Variants in RCAN2 observed in about 807,000 individuals in gnomAD.
The protein encoded by RCAN2 is calcipressin-2.
A neutral mutation model predicts 23.6 loss-of-function variants in RCAN2; 9 were observed. That is an observed-to-expected ratio of 0.38 (90% confidence interval 0.23 to 0.67). The LOEUF (loss-of-function observed/expected upper bound fraction) is 0.67. Among genes scored for constraint, RCAN2 ranks in the 30% least tolerant of loss-of-function variants. The pLI is 0.51. For missense variants in RCAN2, 273 were observed against 302.3 expected (o/e 0.90, Z 0.72); for synonymous variants, 109 against 115.7 (o/e 0.94, Z 0.37).
chr6:46,452,557 A>G (rs1251255095), intron 2 of RCAN2, among the ~76,000 whole-genome samples: 1 of 152,192 alleles, frequency 6.6e-6, no homozygotes, highest in Admixed American at 6.5e-5. Context: ...TAGGTAAATT[A>G]AATTCTTGGC....
intron 2 of RCAN2, among the ~76,000 whole-genome samples, chr6:46,282,033 G>A (rs906764426): frequency 3.3e-5 from 5 of 152,128 alleles, no homozygotes; most frequent in African/African-American, 1.2e-4. Flanking sequence ...GACACTTTCT[G>A]TCTTGTTCAT....
At chr6:46,446,783 A>C (rs1043786191) in intron 2 of RCAN2, among the ~76,000 whole-genome samples, 1 of 152,170 alleles carries the variant, frequency 6.6e-6, no homozygotes, top group Non-Finnish European at 1.5e-5. Flanking sequence ...TTATAACTAT[A>C]AGATATTTTA....
intron 1 of RCAN2, among the ~76,000 whole-genome samples, chr6:46,481,829 C>T (rs781061416): frequency 2.6e-5 from 4 of 151,978 alleles, no homozygotes; most frequent in African/African-American, 4.8e-5. Flanking sequence ...ACAATAGATA[C>T]GAATGACAGA....
chr6:46,396,375 A>C (rs1337993056), intron 2 of RCAN2, among the ~76,000 whole-genome samples: 1 of 152,206 alleles, frequency 6.6e-6, no homozygotes. Context: ...TAGCTGCGAG[A>C]ATACCACACA....
intron 2 of RCAN2, among the ~76,000 whole-genome samples, chr6:46,279,729 C>T (rs1767838593): frequency 1.3e-5 from 2 of 152,206 alleles, no homozygotes; most frequent in Admixed American, 1.3e-4. Flanking sequence ...TGATCTGCCA[C>T]TTACTGTAGG....
intron 1 of RCAN2, among the ~76,000 whole-genome samples, chr6:46,468,275 A>G (rs1270576116): frequency 6.6e-6 from 1 of 152,212 alleles, no homozygotes; most frequent in Admixed American, 6.5e-5. Context: ...AATATGGACC[A>G]CTGTTCTAAA....
intron 2 of RCAN2, among the ~76,000 whole-genome samples, chr6:46,435,869 T>A (rs1462369424): frequency 6.6e-6 from 1 of 152,212 alleles, no homozygotes; most frequent in Non-Finnish European, 1.5e-5. Context: ...AGTGACTGCA[T>A]CTAGTCTTTG....
intron 2 of RCAN2, among the ~76,000 whole-genome samples, chr6:46,262,152 A>AT (rs941265215): frequency 1.7e-4 from 25 of 150,186 alleles, no homozygotes; most frequent in South Asian, 8.4e-4. Context: ...CCCTGAAGCC[A>AT]TTTTTTTTTT....
chr6:46,227,771 T>G (rs1383614952), intron 4 of RCAN2, among the ~76,000 whole-genome samples: 1 of 152,250 alleles, frequency 6.6e-6, no homozygotes, highest in East Asian at 1.9e-4. Context: ...GGTTTTTTTG[T>G]GTCCCTATCT....
intron 2 of RCAN2, among the ~76,000 whole-genome samples, chr6:46,345,496 T>C (rs534231528): frequency 6.6e-6 from 1 of 152,258 alleles, no homozygotes; most frequent in Admixed American, 6.5e-5. Context: ...GTAGACCACA[T>C]GTTGGACTAT....
intron 2 of RCAN2, among the ~76,000 whole-genome samples, chr6:46,420,385 C>T (rs1766848518): frequency 6.6e-6 from 1 of 152,068 alleles, no homozygotes; most frequent in Non-Finnish European, 1.5e-5. Context: ...AAGAATCCAT[C>T]AGGAATCTTC....
chr6:46,429,704 T>C (rs769391997), intron 2 of RCAN2, among the ~76,000 whole-genome samples: 1 of 152,180 alleles, frequency 6.6e-6, no homozygotes, highest in Non-Finnish European at 1.5e-5. Context: ...CTTGCCCTTA[T>C]GGACCCTAGG....
At chr6:46,330,831 T>C (rs1207990013) in intron 2 of RCAN2, among the ~76,000 whole-genome samples, 2 of 152,236 alleles carry the variant, frequency 1.3e-5, no homozygotes, top group Admixed American at 6.5e-5. Context: ...AGTGGAAATT[T>C]AGAAACTCGA....
intron 2 of RCAN2, among the ~76,000 whole-genome samples, chr6:46,325,157 A>C (rs1176881688): frequency 1.3e-5 from 2 of 152,240 alleles, no homozygotes; most frequent in Non-Finnish European, 2.9e-5. Context: ...ACCAGGGATT[A>C]CCTAATAAAA....
Position 46,391,296 on chromosome 6 carries a change from G to A in RCAN2, c.225+65456C>T, listed in dbSNP as rs148059753. Among the ~76,000 whole-genome samples, 150 of 152,222 alleles carry A rather than the reference G, an allele frequency of 9.9e-4. 2 individuals are homozygous for A. The highest frequency in any genetic ancestry group is 3.1e-3 in the African/African-American group (129 of 41,540). ...AAACCATCATTCTCAGCAAACTATC[G>A]CATGAAGATTGAGATCATGAAAGCA... is the stretch of plus-strand genomic sequence containing the variant. On this transcript the variant is annotated intron_variant, in intron 2 of 4. Transcript: ENST00000371374.
In RCAN2 at chr6:46,374,371, T is replaced by C. The variant is rs1765404226; in HGVS notation, c.225+82381A>G. On this transcript the variant is annotated intron_variant, in intron 2 of 4. Coordinates refer to ENST00000371374, the MANE Select transcript of RCAN2 (RefSeq NM_001251974.2). ...TTCTATGATGCACAATCATCTTTTA[T>C]TTTACACTATTATTTTAACATTTCA... 2.0e-5 allele frequency among the ~76,000 whole-genome samples: 3 copies of C among 152,234 alleles called. No individual in the cohort carries two copies. In the South Asian group the frequency reaches 6.2e-4, roughly 32 times the overall value.
intron 2 of RCAN2, among the ~76,000 whole-genome samples, chr6:46,299,207 A>G (rs971920862): frequency 1.3e-5 from 2 of 152,040 alleles, no homozygotes; most frequent in Non-Finnish European, 2.9e-5. Context: ...ACCTGCATGT[A>G]TACCCCATGA....
At chr6:46,397,405 A>C (rs1766124967) in intron 2 of RCAN2, among the ~76,000 whole-genome samples, 2 of 149,372 alleles carry the variant, frequency 1.3e-5, no homozygotes, top group East Asian at 3.9e-4. Flanking sequence ...ACACACACAC[A>C]CCACAGTGAC....
intron 4 of RCAN2, among the ~76,000 whole-genome samples, chr6:46,245,220 T>A (rs978150348): frequency 3.3e-5 from 5 of 152,198 alleles, no homozygotes; most frequent in Non-Finnish European, 5.9e-5. Flanking sequence ...TATGGCCATT[T>A]TAAAGGGCCT....
Sources: allele counts gnomAD v4.1 joint callset (sites outside exome capture counted in the v4.1 genomes callset), GRCh38; gene constraint gnomAD v4.1.1; transcripts MANE v1.5; gene names NCBI Gene and HGNC (gene_info 2026-07-23, HGNC 2026-07-21).